FAM186A: variants seen among roughly 807,000 people sequenced by gnomAD.
The protein encoded by FAM186A is protein FAM186A.
Under a neutral mutation model 216.8 loss-of-function variants are expected in FAM186A, and 163 were observed. The ratio of observed to expected loss-of-function variants is 0.75; its 90% CI spans 0.66 to 0.86. The LOEUF (loss-of-function observed/expected upper bound fraction) is 0.86, where lower values mean the gene tolerates loss of function less well. Among genes scored for constraint, FAM186A ranks in the 40% least tolerant of loss-of-function variants. The pLI is 0.00. For missense variants in FAM186A, 2,184 were observed against 2,746.2 expected (o/e 0.80, Z 4.58); for synonymous variants, 805 against 1,025.3 (o/e 0.79, Z 4.10).
At chr12:50,392,037 C>T (rs1943361530) in intron 1 of FAM186A, among the ~76,000 whole-genome samples, 1 of 150,558 alleles carries the variant, frequency 6.6e-6, no homozygotes. Flanking sequence ...AAGTGAAAGA[C>T]GTGAGGCAGA....
rs10876023 is a variant in FAM186A at position 50,353,134 on chromosome 12, A to G, written c.3698T>C (p.Leu1233Pro). The change falls in exon 4 of 8, where the codon CTT (leucine) becomes CCT (proline). Residue 1233 changes from leucine (L) to proline (P), a missense_variant. Coordinates refer to ENST00000327337, the MANE Select transcript of FAM186A (RefSeq NM_001145475.3). Reference protein sequence around the residue: ...QAQALGITLTLQQAQQLGIPL... With the variant: ...QAQALGITLTPQQAQQLGIPL... ...GATCCCCAATTGCTGGGCCTGCTGA[A>G]GGGTTAGAGTGATCCCCAGGGCCTG... The G allele has an allele frequency of 0.67, 979,841 of 1,454,270 alleles. 324,583 individuals are homozygous for G. The highest frequency in any genetic ancestry group is 0.79 in the Admixed American group (36,370 of 46,114). 90.1% of individuals were successfully genotyped at this position (1,454,270 alleles called of 1,614,324 possible). A position where few individuals can be genotyped will look rare whatever the true frequency, so the allele number is the denominator to read the frequency against.
intron 1 of FAM186A, among the ~76,000 whole-genome samples, chr12:50,387,658 C>G (rs748544546): frequency 1.3e-5 from 2 of 152,130 alleles, no homozygotes; most frequent in Non-Finnish European, 2.9e-5. Context: ...TTGCTTCACC[C>G]TAATATTACT....
chr12:50,393,117 G>A (rs1438527725), intron 1 of FAM186A, among the ~76,000 whole-genome samples: 2 of 151,262 alleles, frequency 1.3e-5, no homozygotes, highest in Non-Finnish European at 2.9e-5. Flanking sequence ...TAGTAGAGAC[G>A]GGGTTTCGCC....
Position 50,383,504 on chromosome 12 carries a change from A to G in FAM186A, c.192+12789T>C, listed in dbSNP as rs1220627946. 3.3e-5 allele frequency among the ~76,000 whole-genome samples: 5 copies of G among 151,870 alleles called. 1 individual carries two copies. The East Asian group carries it at 9.7e-4, about 30-fold the overall frequency. On this transcript the variant is annotated intron_variant, in intron 1 of 7. Coordinates refer to ENST00000327337, the MANE Select transcript of FAM186A (RefSeq NM_001145475.3). ...CCAGCAACTTGGGAGGCTGAGGCAGAAGAATCACTAGAACCCGGGAGGCAG... is the reference window on the plus strand; with the variant it reads ...CCAGCAACTTGGGAGGCTGAGGCAGGAGAATCACTAGAACCCGGGAGGCAG...
At chr12:50,385,938 C>G (rs1185225681) in intron 1 of FAM186A, among the ~76,000 whole-genome samples, 1 of 151,474 alleles carries the variant, frequency 6.6e-6, no homozygotes, top group Admixed American at 6.6e-5. Flanking sequence ...TAGAAGCAGA[C>G]AGTGTAGAAC....
At chr12:50,328,492 T>C (rs1268947173) in intron 7 of FAM186A, among the ~76,000 whole-genome samples, 1 of 152,148 alleles carries the variant, frequency 6.6e-6, no homozygotes, top group East Asian at 1.9e-4. Flanking sequence ...ATGAAACATA[T>C]AGTAGGTTTT....
Position 50,363,209 on chromosome 12 carries a change from G to C in FAM186A, c.348C>G (p.Tyr116Ter). The C allele has an allele frequency of 6.4e-7, 1 of 1,551,486 alleles. No homozygotes were observed. The highest frequency in any genetic ancestry group is 2.0e-5 in the Admixed American group (1 of 50,992). ...TTTCTCTTATTTCAATAGTCTTAGC[G>C]TAAGTAGCCATTTTCTCAAGAAAAT... ...RTNFLEKMAT[Y>*]AKTIEIREKT... is the part of the protein sequence containing the mutation. The change falls in exon 2 of 8, where the codon TAC becomes TAG. Residue 116 changes from tyrosine to a stop codon, truncating the protein, a stop_gained. Transcript: ENST00000327337. LOFTEE classifies it high-confidence loss of function.
chr12:50,374,697 A>T (rs1484727127), intron 1 of FAM186A, among the ~76,000 whole-genome samples: 2 of 152,346 alleles, frequency 1.3e-5, no homozygotes, highest in Middle Eastern at 3.4e-3. Flanking sequence ...CTAGCATCAT[A>T]CTTAATGGTA....
chr12:50,383,278 A>AAAAAAAAAAAAAAAAAAAAAAAAG (rs1555218962), intron 1 of FAM186A, among the ~76,000 whole-genome samples: 1 of 49,170 alleles, frequency 2.0e-5, no homozygotes, highest in Non-Finnish European at 4.4e-5. Context: ...AAAAAAAAAA[A>AAAAAAAAAAAAAAAAAAAAAAAAG]AGAGAGAGAG....
intron 1 of FAM186A, among the ~76,000 whole-genome samples, chr12:50,381,212 T>C (rs1943251490): frequency 6.6e-6 from 1 of 152,210 alleles, no homozygotes; most frequent in African/African-American, 2.4e-5. Flanking sequence ...ACTCTCCTTC[T>C]TGTCACCTGC....
intron 4 of FAM186A, among the ~76,000 whole-genome samples, 152 bp from the exon 5 acceptor site, chr12:50,334,255 T>G (rs988424283): frequency 6.6e-6 from 1 of 151,386 alleles, no homozygotes; most frequent in Admixed American, 6.6e-5. Flanking sequence ...TATTGCAACC[T>G]CCACCTCCTG....
intron 1 of FAM186A, among the ~76,000 whole-genome samples, chr12:50,368,784 T>C (rs981084018): frequency 2.6e-5 from 4 of 152,018 alleles, no homozygotes; most frequent in African/African-American, 4.8e-5. Context: ...CAAAGCTACA[T>C]TAATCAAAAT....
At position 50,356,362 on chromosome 12, in the gene FAM186A, A is replaced by G. The variant is rs140501903; in HGVS notation, c.584-114T>C. 31 of 774,676 alleles carry G rather than the reference A, an allele frequency of 4.0e-5. No individual in the cohort carries two copies. The African/African-American group carries it at 4.6e-4, about 11-fold the overall frequency. The allele number at this position is 774,676 out of a possible 1,614,324, so 48.0% of individuals were successfully genotyped here. A position where few individuals can be genotyped will look rare whatever the true frequency, so the allele number is the denominator to read the frequency against. On this transcript the variant is annotated intron_variant, in intron 3 of 7. Transcript: ENST00000327337. ...GATTAACTATAACTAATTAAATATA[A>G]GATAAAGATTAATCTGAAAACTTTA... is the stretch of plus-strand genomic sequence containing the variant.
At chr12:50,376,985 A>G (rs1050751330) in intron 1 of FAM186A, among the ~76,000 whole-genome samples, 2 of 151,976 alleles carry the variant, frequency 1.3e-5, no homozygotes, top group African/African-American at 4.8e-5. Context: ...CTGGGCTCAA[A>G]TGGTCCTCCC....
intron 1 of FAM186A, among the ~76,000 whole-genome samples, chr12:50,386,118 T>C (rs1264829745): frequency 6.6e-6 from 1 of 152,086 alleles, no homozygotes; most frequent in Admixed American, 6.6e-5. Flanking sequence ...AGATATTAAG[T>C]GTTCTCACCA....
chr12:50,393,116 C>CG (rs1198226115), intron 1 of FAM186A, among the ~76,000 whole-genome samples: 1 of 151,326 alleles, frequency 6.6e-6, no homozygotes, highest in Non-Finnish European at 1.5e-5. Context: ...TTAGTAGAGA[C>CG]GGGGTTTCGC....
intron 4 of FAM186A, among the ~76,000 whole-genome samples, chr12:50,349,130 T>C (rs1482670696): frequency 2.0e-5 from 3 of 152,066 alleles, no homozygotes; most frequent in Non-Finnish European, 2.9e-5. Flanking sequence ...TCTTATTCAT[T>C]CTTTCTATTT....
At position 50,350,539 on chromosome 12, in the gene FAM186A, TGAG is replaced by T; in HGVS notation, c.6290_6292del (p.Pro2097del). On this transcript the variant is annotated inframe_deletion, in exon 4 of 8. Coordinates refer to ENST00000327337, the MANE Select transcript of FAM186A (RefSeq NM_001145475.3). ...AAAATACCTCTTTTCTTCAAGTTCT[TGAG>T]GAGAGGAAGGGGGCACCATTACTTT... 6.4e-7 allele frequency: 1 copy of T among 1,551,618 alleles called. No homozygotes were observed. The highest frequency in any genetic ancestry group is 8.7e-7 in the Non-Finnish European group (1 of 1,146,976).
At chr12:50,361,223 G>C (rs922645370) in intron 2 of FAM186A, among the ~76,000 whole-genome samples, 1 of 152,154 alleles carries the variant, frequency 6.6e-6, no homozygotes, top group African/African-American at 2.4e-5. Context: ...TTTTGAGACA[G>C]AGTCTTGCTT....
Sources: gnomAD v4.1 joint callset for allele counts (sites outside exome capture counted in the v4.1 genomes callset) on GRCh38, gnomAD v4.1.1 for gene constraint, MANE v1.5 for transcripts, NCBI Gene and HGNC (gene_info 2026-07-23, HGNC 2026-07-21) for gene names.